ADH1B: variants seen among roughly 807,000 people sequenced by gnomAD.
ADH1B encodes the protein alcohol dehydrogenase 1B (class I), beta polypeptide.
ADH1B carries 29 observed loss-of-function variants against 34.6 expected under a neutral mutation model. The ratio of observed to expected loss-of-function variants is 0.84; its 90% CI spans 0.62 to 1.14. The LOEUF (loss-of-function observed/expected upper bound fraction) is 1.14. ADH1B is among the 50% of genes most tolerant of loss of function. ADH1B has a pLI of 0.00. For synonymous variants in ADH1B, 170 were observed against 175.5 expected (o/e 0.97, Z 0.25); for missense variants, 424 against 468.4 (o/e 0.91, Z 0.87).
In ADH1B at chr4:99,306,110, AT is replaced by A. The variant is rs1733605283; in HGVS notation, c.*1729del. On this transcript the variant is annotated 3_prime_UTR_variant, in exon 9 of 9. Transcript: ENST00000305046. ...AACCTCCGCCTCCCAGGCTCCAGCG[AT>A]TCTCTTGCCTCAGCCTCCTGAGTAG... The A allele has an allele frequency of 6.6e-6, 1 of 152,204 alleles. No individual in the cohort carries two copies. Among genetic ancestry groups the A allele is most frequent in the African/African-American group, 2.4e-5 (1 of 41,400 alleles). The allele number at this position is 152,204 out of a possible 1,614,324, so 9.4% of individuals were successfully genotyped here. A position where few individuals can be genotyped will look rare whatever the true frequency, so the allele number is the denominator to read the frequency against.
chr4:99,319,895 T>C (rs751639653), intron 1 of ADH1B: 6 of 152,188 alleles, frequency 3.9e-5, no homozygotes, highest in Non-Finnish European at 8.8e-5. Context: ...ATGTTCAACA[T>C]GGTCAATGCC....
At position 99,314,017 on chromosome 4, in the gene ADH1B, C is replaced by A. The variant is rs1483612776; in HGVS notation, c.632G>T (p.Gly211Val). The A allele has an allele frequency of 9.3e-6, 15 of 1,614,166 alleles. No homozygotes were observed. The highest frequency in any genetic ancestry group is 1.2e-5 in the Non-Finnish European group (14 of 1,180,030). Residue 211 changes from glycine to valine, a missense_variant, in exon 6 of 9, where the codon GGC becomes GTC. Transcript: ENST00000305046. ...LGGVGLSAVMGCKAAGAARII... is the reference protein window; with the variant it reads ...LGGVGLSAVMVCKAAGAARII... ...TCTGGCTGCTCCAGCTGCTTTACAGCCCATAACAGCAGATAGGCCGACCCC... is the reference window on the plus strand; with the variant it reads ...TCTGGCTGCTCCAGCTGCTTTACAGACCATAACAGCAGATAGGCCGACCCC...
Position 99,319,555 on chromosome 4 carries a change from TTGG to T in ADH1B, c.19-672_19-670del, listed in dbSNP as rs28913910. 4.5e-4 allele frequency: 70 copies of T among 155,872 alleles called. No homozygotes were observed. In the East Asian group the frequency reaches 5.3e-3, roughly 12 times the overall value. 9.7% of individuals were successfully genotyped at this position (155,872 alleles called of 1,614,324 possible). ...GAGCCAAATATTATAGAGATTAGAG[TTGG>T]TGGTGTGTGTGTGTGCACGTGTGTG... On this transcript the variant is annotated intron_variant, in intron 1 of 8. Transcript: ENST00000305046.
chr4:99,311,433 T>G, intron 7 of ADH1B, 88 bp downstream of exon 7: 1 of 1,428,124 alleles, frequency 7.0e-7, no homozygotes, highest in Non-Finnish European at 9.5e-7. Flanking sequence ...TTGTCAATTG[T>G]AAAAGGGCAT....
chr4:99,313,068 C>T (rs1221118645), intron 6 of ADH1B, among the ~76,000 whole-genome samples: 1 of 150,982 alleles, frequency 6.6e-6, no homozygotes, highest in Non-Finnish European at 1.5e-5. Flanking sequence ...ACTATGTCAC[C>T]CAGGCTGGAG....
intron 1 of ADH1B, 24 bp from the exon 2 acceptor site, chr4:99,318,910 G>T: frequency 6.2e-7 from 1 of 1,605,386 alleles, no homozygotes; most frequent in Admixed American, 1.7e-5. Context: ...CAGAGAGATG[G>T]TGACAGTGTT....
At position 99,305,262 on chromosome 4, in the gene ADH1B, C is replaced by G. The variant is rs1733571378; in HGVS notation, c.*2578G>C. 2 of 150,782 alleles carry G rather than the reference C, an allele frequency of 1.3e-5. No individual in the cohort carries two copies. Among genetic ancestry groups the G allele is most frequent in the South Asian group, 4.2e-4 (2 of 4,796 alleles). The allele number at this position is 150,782 out of a possible 1,614,324, so 9.3% of individuals were successfully genotyped here. ...AGAATTTGAAATTTTTCTCCATGCT[C>G]AGAATTTCATTTTAAATATGTTCGT... On this transcript the variant is annotated 3_prime_UTR_variant, in exon 9 of 9. Transcript: ENST00000305046.
At chr4:99,316,160 A>G in intron 4 of ADH1B, 43 bp from the exon 5 acceptor site, 1 of 1,614,074 alleles carries the variant, frequency 6.2e-7, no homozygotes, top group Non-Finnish European at 8.5e-7. Context: ...ATGAGACAGG[A>G]GCATAAGTAA....
chr4:99,310,476 G>GT (rs1021482497), intron 8 of ADH1B: 125 of 360,674 alleles, frequency 3.5e-4, no homozygotes, highest in East Asian at 6.8e-4. Flanking sequence ...TTTTTGTGGG[G>GT]TTTTTTTTGG....
At chr4:99,316,161 G>C (rs1297840098) in intron 4 of ADH1B, 44 bp from the exon 5 acceptor site, 13 of 1,614,064 alleles carry the variant, frequency 8.1e-6, no homozygotes, top group Non-Finnish European at 1.1e-5. Flanking sequence ...TGAGACAGGA[G>C]CATAAGTAAT....
At chr4:99,318,696 C>T (rs1733948160) in intron 2 of ADH1B, 89 bp downstream of exon 2, 21 of 1,197,972 alleles carry the variant, frequency 1.8e-5, no homozygotes, top group East Asian at 2.5e-5. Context: ...ATAAGATATG[C>T]CTCTTAGTGG....
chr4:99,312,740 C>G (rs978569643), intron 6 of ADH1B, among the ~76,000 whole-genome samples: 2 of 152,100 alleles, frequency 1.3e-5, no homozygotes, highest in African/African-American at 4.8e-5. Flanking sequence ...ATACTCTCAG[C>G]ATTTTTGGAG....
chr4:99,320,446 G>C (rs547955398), intron 1 of ADH1B: 1 of 154,914 alleles, frequency 6.5e-6, no homozygotes, highest in South Asian at 2.0e-4. Flanking sequence ...ATATTTTACA[G>C]TGTGGTACAC....
At position 99,316,102 on chromosome 4, in the gene ADH1B, C is replaced by A. The variant is rs544937059; in HGVS notation, c.363G>T (p.Arg121=). 6.2e-7 allele frequency: 1 copy of A among 1,614,142 alleles called. No homozygotes were observed. Among genetic ancestry groups the A allele is most frequent in the African/African-American group, 1.3e-5 (1 of 75,044 alleles). Residue 121 remains arginine (R), a synonymous_variant, in exon 5 of 9, where the codon CGG becomes CGT. Coordinates refer to ENST00000305046, the MANE Select transcript of ADH1B (RefSeq NM_000668.6). ...YCLKNDLGNP[R]GTLQDGTRRF... The stretch of plus-strand genomic sequence containing the variant: ...TCCTGGTGCCATCCTGCAGGGTCCC[C>A]CGAGGATTGCCTAGACTGGGCAGTG...
chr4:99,321,011 A>G, intron 1 of ADH1B: 1 of 822,462 alleles, frequency 1.2e-6, no homozygotes, highest in Non-Finnish European at 1.6e-6. Context: ...TTCTAACTTT[A>G]GATTTACAAA....
intron 8 of ADH1B, 89 bp from the exon 9 acceptor site, chr4:99,307,953 G>C: frequency 2.6e-6 from 4 of 1,546,520 alleles, no homozygotes; most frequent in Non-Finnish European, 3.6e-6. Flanking sequence ...AGGTGTCTTA[G>C]TGAAAATCTG....
rs1733871942 is a variant in ADH1B, at chr4:99,315,954, A to C, written c.511T>G (p.Cys171Gly). ...IDAASPLEKV[C>G]LIGCGFSTGY... ...GTCGAGAATCCACAGCCAATGAGGCAGACTTTCTCCAGGGGCGAGGCTGCA... is the reference window on the plus strand; with the variant it reads ...GTCGAGAATCCACAGCCAATGAGGCCGACTTTCTCCAGGGGCGAGGCTGCA... The change falls in exon 5 of 9, where the codon TGC becomes GGC. Residue 171 changes from cysteine to glycine, a missense_variant. Physicochemically the swap from Cys to Gly is radical, Grantham distance 159. Coordinates refer to ENST00000305046, the MANE Select transcript of ADH1B (RefSeq NM_000668.6). The C allele has an allele frequency of 6.2e-7, 1 of 1,614,230 alleles. No individual in the cohort carries two copies.
In ADH1B at chr4:99,307,503, C is replaced by T. The variant is rs200290314; in HGVS notation, c.*337G>A. 36 of 339,760 alleles carry T rather than the reference C, an allele frequency of 1.1e-4. 1 individual carries two copies. The East Asian group carries it at 1.8e-3, about 17-fold the overall frequency. 21.0% of individuals were successfully genotyped at this position (339,760 alleles called of 1,614,324 possible). On this transcript the variant is annotated 3_prime_UTR_variant, in exon 9 of 9. Transcript: ENST00000305046. ...TAAAAGGGTCCCCTCCACTGGGATT[C>T]GATGACTAAAGATTATGAAGATACC...
intron 6 of ADH1B, among the ~76,000 whole-genome samples, chr4:99,313,248 A>G (rs1417209954): frequency 6.6e-6 from 1 of 152,072 alleles, no homozygotes; most frequent in Non-Finnish European, 1.5e-5. Context: ...ATTCAGTCCA[A>G]CTAATATTGG....
Sources: allele counts gnomAD v4.1 joint callset (sites outside exome capture counted in the v4.1 genomes callset), GRCh38; gene constraint gnomAD v4.1.1; transcripts MANE v1.5; gene names NCBI Gene and HGNC (gene_info 2026-07-23, HGNC 2026-07-21).